PHF24: variants seen among roughly 807,000 people sequenced by gnomAD.
The protein encoded by PHF24 is PHD finger protein 24.
A neutral mutation model predicts 42.6 loss-of-function variants in PHF24; 25 were observed. The ratio of observed to expected loss-of-function variants is 0.59; its 90% CI spans 0.43 to 0.82. The LOEUF (loss-of-function observed/expected upper bound fraction) is 0.82. PHF24 is among the 40% of genes least tolerant of loss of function. PHF24 has a pLI of 0.00. For synonymous variants in PHF24, 185 were observed against 204.8 expected (o/e 0.90, Z 0.83); for missense variants, 470 against 538.1 (o/e 0.87, Z 1.25).
the PHF24 span, among the ~76,000 whole-genome samples, chr9:34,688,310 G>A: frequency 6.6e-6 from 1 of 152,160 alleles, no homozygotes; most frequent in Non-Finnish European, 1.5e-5. Flanking sequence ...CAGCTGGAGA[G>A]GCCCTTAGAG....
chr9:34,740,191 G>A, the PHF24 span, among the ~76,000 whole-genome samples: 1 of 152,240 alleles, frequency 6.6e-6, no homozygotes, highest in Non-Finnish European at 1.5e-5. Flanking sequence ...ATTCCGCACC[G>A]GGGCTGCGGG....
At chr9:34,939,548 C>T in the PHF24 span, among the ~76,000 whole-genome samples, 1 of 152,174 alleles carries the variant, frequency 6.6e-6, no homozygotes, top group Non-Finnish European at 1.5e-5. Context: ...CCAGAGTTGT[C>T]TGTCAGAGGA....
the PHF24 span, among the ~76,000 whole-genome samples, chr9:34,791,087 T>C: frequency 0.91 from 137,952 of 152,290 alleles, 63,358 homozygotes; most frequent in Non-Finnish European, 0.99. Context: ...GGATGTAACA[T>C]GATCATATTT....
At chr9:34,785,803 T>C in the PHF24 span, among the ~76,000 whole-genome samples, 1 of 152,234 alleles carries the variant, frequency 6.6e-6, no homozygotes, top group Non-Finnish European at 1.5e-5. Flanking sequence ...TGGAGAGGGT[T>C]TCCCTTTTAT....
the PHF24 span, chr9:34,835,315 G>A: frequency 3.2e-6 from 5 of 1,551,734 alleles, no homozygotes; most frequent in East Asian, 2.4e-5. Context: ...TTCCAGGTTG[G>A]TAATACAATG....
chr9:34,959,039 C>T (rs1563924753), intron 1 of PHF24, among the ~76,000 whole-genome samples: 1 of 152,268 alleles, frequency 6.6e-6, no homozygotes, highest in Admixed American at 6.5e-5. Context: ...CATTCCTCCT[C>T]TTTCCCCATT....
chr9:34,759,266 G>T, the PHF24 span, among the ~76,000 whole-genome samples: 23 of 152,254 alleles, frequency 1.5e-4, no homozygotes, highest in African/African-American at 5.5e-4. Flanking sequence ...TTCTCTATCA[G>T]CTGGACCAGC....
the PHF24 span, chr9:34,725,011 G>A: frequency 6.4e-7 from 1 of 1,552,008 alleles, no homozygotes; most frequent in Non-Finnish European, 8.7e-7. Flanking sequence ...GCTGATCAAG[G>A]GCCGTTGGCA....
At chr9:34,874,298 T>G in the PHF24 span, among the ~76,000 whole-genome samples, 1 of 152,166 alleles carries the variant, frequency 6.6e-6, no homozygotes, top group African/African-American at 2.4e-5. Context: ...ATCCTTCCAG[T>G]TTTTGCCCAT....
the PHF24 span, chr9:34,709,704 C>G: frequency 6.2e-7 from 1 of 1,613,532 alleles, no homozygotes. Flanking sequence ...GGCTAGTAAG[C>G]CTTCTTAGTC....
chr9:34,727,941 C>T, the PHF24 span: 2 of 1,328,016 alleles, frequency 1.5e-6, no homozygotes, highest in African/African-American at 2.9e-5. Context: ...TATCTTTCTC[C>T]TTAGTCCTGC....
chr9:34,978,208 G>T, exon 8 of PHF24: 1 of 910,712 alleles, frequency 1.1e-6, no homozygotes, highest in Non-Finnish European at 1.8e-6. Flanking sequence ...GACTCATGGG[G>T]TTGGGACACT....
chr9:34,868,266 A>C, the PHF24 span, among the ~76,000 whole-genome samples: 14 of 152,206 alleles, frequency 9.2e-5, no homozygotes, highest in Admixed American at 2.0e-4. Flanking sequence ...AAAAGAAAGA[A>C]TCATGACACC....
the PHF24 span, chr9:34,709,391 G>A: frequency 6.2e-7 from 1 of 1,606,736 alleles, no homozygotes; most frequent in African/African-American, 1.3e-5. Flanking sequence ...GCTGCTCACT[G>A]GGCTATGGCC....
the PHF24 span, among the ~76,000 whole-genome samples, chr9:34,893,993 A>T: frequency 5.4e-3 from 824 of 152,314 alleles, 7 homozygotes; most frequent in African/African-American, 0.018. Context: ...GGATAAGATG[A>T]TAGGCTGCCA....
At chr9:34,923,566 A>C in the PHF24 span, among the ~76,000 whole-genome samples, 2 of 152,118 alleles carry the variant, frequency 1.3e-5, no homozygotes, top group African/African-American at 4.8e-5. Flanking sequence ...GGTTGTATGT[A>C]TGTAGGAATT....
chr9:34,818,614 G>A, the PHF24 span, among the ~76,000 whole-genome samples: 82,099 of 151,796 alleles, frequency 0.54, 23,086 homozygotes, highest in Non-Finnish European at 0.62. Flanking sequence ...CTTTGATTAC[G>A]AAGGGTACTT....
At chr9:34,823,854 C>G in the PHF24 span, among the ~76,000 whole-genome samples, 1 of 152,226 alleles carries the variant, frequency 6.6e-6, no homozygotes, top group East Asian at 1.9e-4. Context: ...ATGATGAATT[C>G]AGATCTAACA....
the PHF24 span, among the ~76,000 whole-genome samples, chr9:34,805,215 G>A: frequency 6.6e-6 from 1 of 152,106 alleles, no homozygotes; most frequent in Non-Finnish European, 1.5e-5. Context: ...TTTCTATTGG[G>A]AATATACCTA....
Sources: gnomAD v4.1 joint callset for allele counts (sites outside exome capture counted in the v4.1 genomes callset) on GRCh38, gnomAD v4.1.1 for gene constraint, MANE v1.5 for transcripts, NCBI Gene and HGNC (gene_info 2026-07-23, HGNC 2026-07-21) for gene names.